The following DHRSX variants were observed in gnomAD, a reference collection of about 807,000 sequenced individuals.
DHRSX encodes dehydrogenase/reductase X-linked.
A neutral mutation model predicts 34.0 loss-of-function variants in DHRSX; 31 were observed. The observed-to-expected ratio is 0.91, with a 90% confidence interval of 0.69 to 1.23. The LOEUF is 1.23. DHRSX is among the 50% of genes most tolerant of loss of function. DHRSX has a pLI of 0.00. For synonymous variants in DHRSX, 201 were observed against 183.8 expected (o/e 1.09, Z -0.76); for missense variants, 414 against 428.1 (o/e 0.97, Z 0.29).
chrX:2,395,951 T>G, intron 3 of DHRSX, among the ~76,000 whole-genome samples: 1 of 152,234 alleles, frequency 6.6e-6, no homozygotes, highest in East Asian at 1.9e-4. Flanking sequence ...GGGAACTTAA[T>G]TCAACAGGAA....
intron 1 of DHRSX, among the ~76,000 whole-genome samples, chrX:2,495,459 G>A (rs1322308092): frequency 6.6e-6 from 1 of 152,014 alleles, no homozygotes; most frequent in Admixed American, 6.6e-5. Flanking sequence ...GTGAAGTTTT[G>A]TACTAAGAGC....
chrX:2,404,192 A>G (rs2043524130), intron 3 of DHRSX, among the ~76,000 whole-genome samples: 1 of 152,106 alleles, frequency 6.6e-6, no homozygotes, highest in Non-Finnish European at 1.5e-5. Context: ...AAGAATGCAG[A>G]TTCCAGGGCC....
chrX:2,478,703 G>A (rs2044720595), intron 1 of DHRSX, among the ~76,000 whole-genome samples: 1 of 149,472 alleles, frequency 6.7e-6, no homozygotes. Flanking sequence ...TAAGAATGTG[G>A]CCAAGGGACC....
At chrX:2,382,225 G>A (rs1307321071) in intron 3 of DHRSX, among the ~76,000 whole-genome samples, 2 of 152,124 alleles carry the variant, frequency 1.3e-5, no homozygotes, top group Non-Finnish European at 2.9e-5. Context: ...CAGAATCCCT[G>A]AGTCTTCGGA....
chrX:2,253,536 G>T (rs948355997), intron 5 of DHRSX, among the ~76,000 whole-genome samples: 1 of 151,682 alleles, frequency 6.6e-6, no homozygotes, highest in Non-Finnish European at 1.5e-5. Context: ...GAGCCAATCA[G>T]CAAAGATGGC....
At chrX:2,332,257 C>A (rs2042488315) in intron 3 of DHRSX, among the ~76,000 whole-genome samples, 2 of 152,192 alleles carry the variant, frequency 1.3e-5, no homozygotes, top group Middle Eastern at 3.4e-3. Flanking sequence ...CACAAACAGA[C>A]TGAATGGGTC....
At chrX:2,417,378 T>A (rs996360206) in intron 2 of DHRSX, among the ~76,000 whole-genome samples, 9 of 152,144 alleles carry the variant, frequency 5.9e-5, no homozygotes, top group African/African-American at 2.2e-4. Context: ...ATCATCATGA[T>A]CTAACTCAAC....
intron 3 of DHRSX, among the ~76,000 whole-genome samples, chrX:2,322,224 G>C (rs1445848562): frequency 6.6e-6 from 1 of 151,292 alleles, no homozygotes; most frequent in Non-Finnish European, 1.5e-5. Flanking sequence ...ATACGATGTT[G>C]GTTTTTCATC....
intron 1 of DHRSX, among the ~76,000 whole-genome samples, chrX:2,468,314 G>A (rs1203936271): frequency 6.6e-6 from 1 of 152,096 alleles, no homozygotes; most frequent in African/African-American, 2.4e-5. Context: ...GAATGAATGC[G>A]GTCAGGACGC....
intron 1 of DHRSX, among the ~76,000 whole-genome samples, chrX:2,468,058 A>G (rs911490015): frequency 1.3e-5 from 2 of 151,860 alleles, no homozygotes; most frequent in African/African-American, 2.4e-5. Flanking sequence ...GGAACTGCAC[A>G]GGCCACCTTC....
chrX:2,355,539 A>G (rs2042839599), intron 3 of DHRSX, among the ~76,000 whole-genome samples: 1 of 126,872 alleles, frequency 7.9e-6, no homozygotes, highest in African/African-American at 3.2e-5. Flanking sequence ...AAAAAAAAAA[A>G]AAAAAAGACT....
rs57262200 is a variant in DHRSX, at chrX:2,456,613, C to CAA, written c.110-31311_110-31310dup. Among the ~76,000 whole-genome samples the CAA allele has an allele frequency of 7.0e-3, 766 of 108,778 alleles. 12 individuals are homozygous for CAA. The highest frequency in any genetic ancestry group is 0.022 in the African/African-American group (616 of 28,448). The allele number at this position is 108,778 out of a possible 152,430, so 71.4% of individuals were successfully genotyped here. ...TGGGGGACACAGCAAGACTCCTCTT[C>CAA]AAAAAAAAAAAAAAAAAACAGCTGG... On this transcript the variant is annotated intron_variant, in intron 1 of 6. Coordinates refer to ENST00000334651, the MANE Select transcript of DHRSX (RefSeq NM_145177.3).
intron 3 of DHRSX, among the ~76,000 whole-genome samples, chrX:2,407,341 C>G (rs2043569205): frequency 6.6e-6 from 1 of 152,140 alleles, no homozygotes; most frequent in Admixed American, 6.6e-5. Context: ...GAGTCAGCAG[C>G]CACGGCTTTG....
intron 1 of DHRSX, among the ~76,000 whole-genome samples, chrX:2,449,409 A>T (rs992415981): frequency 6.6e-6 from 1 of 152,150 alleles, no homozygotes; most frequent in African/African-American, 2.4e-5. Flanking sequence ...ACAGCTCCCC[A>T]TAGAACTCCA....
At chrX:2,293,632 C>G (rs549217641) in intron 3 of DHRSX, among the ~76,000 whole-genome samples, 2 of 152,038 alleles carry the variant, frequency 1.3e-5, no homozygotes, top group Non-Finnish European at 2.9e-5. Context: ...AGGGAGGGAG[C>G]GAGCAGAGGC....
intron 4 of DHRSX, among the ~76,000 whole-genome samples, chrX:2,285,628 TG>T (rs1344078562): frequency 6.6e-6 from 1 of 152,154 alleles, no homozygotes; most frequent in East Asian, 1.9e-4. Flanking sequence ...TACTATGACC[TG>T]GGGGTTGGAC....
intron 1 of DHRSX, among the ~76,000 whole-genome samples, chrX:2,460,230 G>A: frequency 6.6e-6 from 1 of 152,186 alleles, no homozygotes; most frequent in Non-Finnish European, 1.5e-5. Flanking sequence ...TACTCGGAGG[G>A]CCGGGCCTGC....
chrX:2,287,856 C>T (rs1406591706), intron 4 of DHRSX, among the ~76,000 whole-genome samples: 1 of 152,206 alleles, frequency 6.6e-6, no homozygotes, highest in Non-Finnish European at 1.5e-5. Context: ...CAGACTAATT[C>T]TCATGTGGTC....
intron 1 of DHRSX, chrX:2,490,073 T>A: frequency 6.2e-7 from 1 of 1,613,674 alleles, no homozygotes; most frequent in Non-Finnish European, 8.5e-7. Flanking sequence ...GCCCAGGAAG[T>A]GGGCGGCCAG....
Sources: allele counts gnomAD v4.1 joint callset (sites outside exome capture counted in the v4.1 genomes callset), GRCh38; gene constraint gnomAD v4.1.1; transcripts MANE v1.5; gene names NCBI Gene and HGNC (gene_info 2026-07-23, HGNC 2026-07-21).